The following ALDH1A2 variants were observed in gnomAD, a reference collection of about 807,000 sequenced individuals.
ALDH1A2 encodes aldehyde dehydrogenase 1 family member A2, also known as retinal dehydrogenase 2.
A neutral mutation model predicts 60.3 loss-of-function variants in ALDH1A2; 27 were observed. The ratio of observed to expected loss-of-function variants is 0.45; its 90% CI spans 0.33 to 0.62. ALDH1A2 has a LOEUF of 0.62. Ranked by LOEUF, ALDH1A2 falls within the 20% of genes least tolerant of loss-of-function variation. The pLI is 0.02. For missense variants in ALDH1A2, 581 were observed against 643.8 expected (o/e 0.90, Z 1.06); for synonymous variants, 289 against 232.4 (o/e 1.24, Z -2.21).
intron 1 of ALDH1A2, among the ~76,000 whole-genome samples, chr15:58,057,099 A>C (rs1249583377): frequency 6.6e-6 from 1 of 152,164 alleles, no homozygotes; most frequent in African/African-American, 2.4e-5. Context: ...CTCACCAGGT[A>C]TATGAGGAGA....
chr15:58,057,872 G>A (rs1424749126), intron 1 of ALDH1A2: 1 of 327,604 alleles, frequency 3.1e-6, no homozygotes, highest in East Asian at 5.3e-5. Context: ...ATAAATTCAG[G>A]GAGGCACAAG....
intron 1 of ALDH1A2, among the ~76,000 whole-genome samples, chr15:58,029,182 C>G (rs1334402530): frequency 6.6e-6 from 1 of 152,068 alleles, no homozygotes; most frequent in Non-Finnish European, 1.5e-5. Flanking sequence ...GAACAGAAAT[C>G]ACAACAAACT....
chr15:57,972,919 G>T (rs948696377), intron 7 of ALDH1A2, among the ~76,000 whole-genome samples: 2 of 152,176 alleles, frequency 1.3e-5, no homozygotes, highest in African/African-American at 4.8e-5. Flanking sequence ...AACTAGGAGA[G>T]AGCTGACCTG....
At chr15:57,961,864 C>G (rs1893731802) in intron 10 of ALDH1A2, 148 bp downstream of exon 10, 9 of 1,151,248 alleles carry the variant, frequency 7.8e-6, no homozygotes, top group Non-Finnish European at 1.1e-5. Flanking sequence ...CTTCTTGAAA[C>G]TGGAATTTTC....
At chr15:58,046,967 G>T (rs536654203) in intron 1 of ALDH1A2, among the ~76,000 whole-genome samples, 1 of 152,038 alleles carries the variant, frequency 6.6e-6, no homozygotes, top group Non-Finnish European at 1.5e-5. Flanking sequence ...TCAAAACAGT[G>T]AAACTTACTA....
chr15:57,960,643 T>C (rs1389387034), intron 12 of ALDH1A2, 127 bp downstream of exon 12: 2 of 787,070 alleles, frequency 2.5e-6, no homozygotes, highest in African/African-American at 1.7e-5. Context: ...TATAGTAGCA[T>C]GTGCTCCACG....
intron 1 of ALDH1A2, among the ~76,000 whole-genome samples, chr15:58,064,927 TC>T (rs1897135288): frequency 6.6e-6 from 1 of 152,326 alleles, no homozygotes; most frequent in South Asian, 2.1e-4. Context: ...TTTTTAAGTT[TC>T]CCAGGGAAAC....
intron 7 of ALDH1A2, among the ~76,000 whole-genome samples, chr15:57,983,437 T>C (rs780416074): frequency 2.0e-5 from 3 of 152,240 alleles, no homozygotes; most frequent in African/African-American, 7.2e-5. Context: ...AAGAGATTAA[T>C]GTTAAGAGAA....
At chr15:58,062,274 G>C (rs1381476651) in intron 1 of ALDH1A2, among the ~76,000 whole-genome samples, 3 of 151,966 alleles carry the variant, frequency 2.0e-5, no homozygotes, top group Non-Finnish European at 4.4e-5. Flanking sequence ...CACTGAAAAA[G>C]TGACCAAGAG....
At chr15:57,989,286 T>C (rs961176836) in intron 7 of ALDH1A2, among the ~76,000 whole-genome samples, 1 of 152,110 alleles carries the variant, frequency 6.6e-6, no homozygotes, top group South Asian at 2.1e-4. Context: ...AAGGGATTTT[T>C]ATCATATTAT....
chr15:58,005,524 G>C (rs975420315), intron 4 of ALDH1A2, among the ~76,000 whole-genome samples: 1 of 151,934 alleles, frequency 6.6e-6, no homozygotes, highest in African/African-American at 2.4e-5. Flanking sequence ...GGAGGTAAAA[G>C]AAAATCCCTT....
At chr15:57,963,359 T>TG (rs1240978076) in intron 9 of ALDH1A2, among the ~76,000 whole-genome samples, 1 of 151,644 alleles carries the variant, frequency 6.6e-6, no homozygotes, top group Non-Finnish European at 1.5e-5. Context: ...TTTTTTTTTT[T>TG]TTTTGAGACG....
intron 1 of ALDH1A2, among the ~76,000 whole-genome samples, chr15:58,027,752 A>G (rs1243604489): frequency 6.6e-6 from 1 of 152,138 alleles, no homozygotes; most frequent in Non-Finnish European, 1.5e-5. Context: ...CGTAATGCAC[A>G]TACAAGCTTC....
intron 12 of ALDH1A2, among the ~76,000 whole-genome samples, chr15:57,956,748 T>C (rs1403090615): frequency 6.6e-6 from 1 of 152,164 alleles, no homozygotes. Context: ...AATGTGTCTC[T>C]TCATCACGGA....
rs1191727366 is a variant in ALDH1A2, at chr15:57,983,944, A to C, written c.798+8761T>G. ...TAACAAATGGAATTTAAAGAGGCTA[A>C]AGATGCAATTTTGAAGTGAATTTTA... is the stretch of plus-strand genomic sequence containing the variant. On this transcript the variant is annotated intron_variant, in intron 7 of 12. Transcript: ENST00000249750. 3.3e-5 allele frequency among the ~76,000 whole-genome samples: 5 copies of C among 152,366 alleles called. No homozygotes were observed. The East Asian group carries it at 9.6e-4, about 29-fold the overall frequency.
intron 7 of ALDH1A2, among the ~76,000 whole-genome samples, chr15:57,974,519 A>C (rs1383197483): frequency 2.0e-5 from 3 of 152,092 alleles, no homozygotes; most frequent in Non-Finnish European, 4.4e-5. Context: ...CACAAAGGCA[A>C]TTCAGTGGAG....
chr15:58,039,903 A>G (rs1471194690), intron 1 of ALDH1A2, among the ~76,000 whole-genome samples: 1 of 151,806 alleles, frequency 6.6e-6, no homozygotes, highest in African/African-American at 2.4e-5. Flanking sequence ...GTCACCTATT[A>G]TATGGTAGGC....
intron 7 of ALDH1A2, chr15:57,990,080 T>G (rs1224976685): frequency 1.3e-5 from 2 of 152,044 alleles, no homozygotes; most frequent in Admixed American, 1.3e-4. Flanking sequence ...CATGAGAATT[T>G]AAAATCTGCA....
chr15:58,033,103 G>T (rs1297211681), intron 1 of ALDH1A2, among the ~76,000 whole-genome samples: 1 of 151,966 alleles, frequency 6.6e-6, no homozygotes, highest in Non-Finnish European at 1.5e-5. Flanking sequence ...TTGTTTGATA[G>T]TAGCTTCGGA....
Sources: allele counts gnomAD v4.1 joint callset (sites outside exome capture counted in the v4.1 genomes callset), GRCh38; gene constraint gnomAD v4.1.1; transcripts MANE v1.5; gene names NCBI Gene and HGNC (gene_info 2026-07-23, HGNC 2026-07-21).